The following ZPBP variants were observed in gnomAD, a reference collection of about 807,000 sequenced individuals.
ZPBP encodes zona pellucida binding protein.
In ZPBP, 26 loss-of-function variants were observed where a neutral mutation model predicts 44.8. The observed-to-expected ratio is 0.58, with a 90% CI of 0.43 to 0.81. The LOEUF (loss-of-function observed/expected upper bound fraction) is 0.81, where lower values mean the gene tolerates loss of function less well. Among genes scored for constraint, ZPBP ranks in the 30% least tolerant of loss-of-function variants. The probability of loss-of-function intolerance (pLI) is 0.00; values close to 1 mark genes in which losing one functional copy is unlikely to be tolerated. For missense variants in ZPBP, 409 were observed against 434.0 expected, an observed-to-expected ratio of 0.94 and a Z score of 0.51; for synonymous variants, 174 against 153.2, an observed-to-expected ratio of 1.14 and a Z score of -1.00.
At chr7:49,877,507 T>TAG (rs1791485093) in intron 2 of ZPBP, among the ~76,000 whole-genome samples, 1 of 90,318 alleles carries the variant, frequency 1.1e-5, no homozygotes, top group Non-Finnish European at 2.3e-5. Context: ...TATATATATA[T>TAG]ATATATATAT....
At chr7:49,889,004 CG>C (rs1427600403) in intron 2 of ZPBP, among the ~76,000 whole-genome samples, 2 of 152,146 alleles carry the variant, frequency 1.3e-5, no homozygotes, top group African/African-American at 2.4e-5. Flanking sequence ...ATTGGGCTGA[CG>C]CAAGTAGGGG....
At chr7:49,872,491 A>G (rs1206176395) in intron 2 of ZPBP, among the ~76,000 whole-genome samples, 1 of 151,320 alleles carries the variant, frequency 6.6e-6, no homozygotes, top group East Asian at 1.9e-4. Context: ...GTAAGATTCA[A>G]TATCTGTGAG....
At chr7:50,087,248 T>C (rs1359093735) in intron 2 of ZPBP, among the ~76,000 whole-genome samples, 2 of 151,996 alleles carry the variant, frequency 1.3e-5, no homozygotes, top group African/African-American at 2.4e-5. Context: ...ATTTTCCTTA[T>C]GAACATAGCC....
intron 2 of ZPBP, among the ~76,000 whole-genome samples, chr7:49,888,156 CA>C (rs997433665): frequency 6.6e-6 from 1 of 152,198 alleles, no homozygotes; most frequent in African/African-American, 2.4e-5. Flanking sequence ...TAGTCAATGG[CA>C]ATTATTTTTT....
downstream of ZPBP, among the ~76,000 whole-genome samples, chr7:49,845,646 A>G (rs1789923499): frequency 1.3e-5 from 2 of 152,208 alleles, no homozygotes; most frequent in South Asian, 4.1e-4. Context: ...TCCTAACTTT[A>G]AAATACCAAC....
At chr7:50,038,874 C>G (rs1799942109) in intron 4 of ZPBP, among the ~76,000 whole-genome samples, 1 of 152,132 alleles carries the variant, frequency 6.6e-6, no homozygotes, top group South Asian at 2.1e-4. Flanking sequence ...AAAGGCCATA[C>G]CACGTAGCCT....
intron 6 of ZPBP, among the ~76,000 whole-genome samples, chr7:49,995,920 A>T (rs1399593055): frequency 6.6e-6 from 1 of 152,190 alleles, no homozygotes; most frequent in Non-Finnish European, 1.5e-5. Flanking sequence ...ATACAAACAT[A>T]AAGTTAGACA....
chr7:49,906,436 C>G (rs543825775), intron 1 of ZPBP, among the ~76,000 whole-genome samples: 1 of 151,984 alleles, frequency 6.6e-6, no homozygotes, highest in Non-Finnish European at 1.5e-5. Context: ...CCTGGGTTCA[C>G]GCCATTTTCC....
At chr7:50,089,778 T>C (rs1802857598) in intron 1 of ZPBP, 69 bp from the exon 2 acceptor site, 1 of 1,224,236 alleles carries the variant, frequency 8.2e-7, no homozygotes, top group African/African-American at 1.5e-5. Context: ...ACTATTACAG[T>C]ATCTTTGGTA....
At chr7:50,027,160 G>C (rs769005141) in intron 5 of ZPBP, among the ~76,000 whole-genome samples, 1 of 151,908 alleles carries the variant, frequency 6.6e-6, no homozygotes, top group Non-Finnish European at 1.5e-5. Flanking sequence ...CTTTGGAAGA[G>C]AGAGTGCCTT....
At chr7:50,080,533 A>T (rs2128851258) in intron 3 of ZPBP, among the ~76,000 whole-genome samples, 1 of 151,860 alleles carries the variant, frequency 6.6e-6, no homozygotes, top group South Asian at 2.1e-4. Context: ...AAAAATTTCA[A>T]ATTTCAATTT....
chr7:49,882,253 G>A (rs1791700891), intron 2 of ZPBP, among the ~76,000 whole-genome samples: 1 of 152,110 alleles, frequency 6.6e-6, no homozygotes, highest in Non-Finnish European at 1.5e-5. Context: ...TTTTCAATTA[G>A]GAGGAGGAAG....
At chr7:50,047,579 T>C (rs2128822083) in intron 4 of ZPBP, among the ~76,000 whole-genome samples, 1 of 148,570 alleles carries the variant, frequency 6.7e-6, no homozygotes, top group African/African-American at 2.5e-5. Context: ...TTATGTGAGA[T>C]AGGAGACTAA....
At chr7:49,959,094 G>A (rs948962599) in intron 7 of ZPBP, among the ~76,000 whole-genome samples, 5 of 151,730 alleles carry the variant, frequency 3.3e-5, no homozygotes, top group African/African-American at 4.8e-5. Context: ...GTTCTTTGTC[G>A]GTTTTCAAAC....
intron 3 of ZPBP, among the ~76,000 whole-genome samples, chr7:50,076,949 T>C (rs1009366281): frequency 6.6e-6 from 1 of 151,978 alleles, no homozygotes; most frequent in Non-Finnish European, 1.5e-5. Flanking sequence ...AAAGCTATCC[T>C]GAGCAAAAAG....
chr7:49,979,589 A>G (rs1269051819), intron 7 of ZPBP, among the ~76,000 whole-genome samples: 2 of 151,618 alleles, frequency 1.3e-5, no homozygotes, highest in African/African-American at 2.4e-5. Flanking sequence ...AAAATTTTTA[A>G]TGATAAAATT....
intron 6 of ZPBP, among the ~76,000 whole-genome samples, chr7:49,998,628 A>G (rs1289673216): frequency 6.6e-6 from 1 of 152,138 alleles, no homozygotes; most frequent in African/African-American, 2.4e-5. Context: ...TGCTCTCTTT[A>G]ATATGAGAAT....
intron 1 of ZPBP, chr7:49,918,939 TA>T (rs1477471714): frequency 6.6e-6 from 1 of 151,850 alleles, no homozygotes; most frequent in Admixed American, 6.6e-5. Flanking sequence ...CACATGCCTG[TA>T]ATCTACTCGG....
At chr7:49,858,441 A>C (rs1583692664) in intron 2 of ZPBP, among the ~76,000 whole-genome samples, 1 of 152,146 alleles carries the variant, frequency 6.6e-6, no homozygotes, top group South Asian at 2.1e-4. Context: ...CATTCTCAGC[A>C]AACTATCGCA....
Sources: allele counts gnomAD v4.1 joint callset (sites outside exome capture counted in the v4.1 genomes callset), GRCh38; gene constraint gnomAD v4.1.1; transcripts MANE v1.5; gene names NCBI Gene and HGNC (gene_info 2026-07-23, HGNC 2026-07-21).